The following KLHL3 variants were observed in gnomAD, a reference collection of about 807,000 sequenced individuals.
KLHL3 encodes the protein kelch like family member 3, also known as kelch-like protein 3.
Under a neutral mutation model 70.5 loss-of-function variants are expected in KLHL3, and 19 were observed. The ratio of observed to expected loss-of-function variants is 0.27; its 90% CI spans 0.19 to 0.40. The LOEUF (loss-of-function observed/expected upper bound fraction) is 0.40. Among genes scored for constraint, KLHL3 ranks in the 10% least tolerant of loss-of-function variants. The pLI, the probability that KLHL3 is intolerant of heterozygous loss-of-function variation, is 1.00. For synonymous variants in KLHL3, 258 were observed against 290.3 expected (o/e 0.89, Z 1.13); for missense variants, 512 against 771.1 (o/e 0.66, Z 3.98).
intron 3 of KLHL3, among the ~76,000 whole-genome samples, chr5:137,702,936 G>A (rs1263927401): frequency 6.6e-6 from 1 of 152,108 alleles, no homozygotes; most frequent in Non-Finnish European, 1.5e-5. Flanking sequence ...ACCTTTTTAG[G>A]TGGAAGACTG....
At chr5:137,669,151 A>T (rs1273817359) in intron 6 of KLHL3, among the ~76,000 whole-genome samples, 5 of 152,178 alleles carry the variant, frequency 3.3e-5, no homozygotes, top group African/African-American at 1.2e-4. Context: ...AATTAGTGAG[A>T]AGACAGCAAT....
rs1280723794 is a variant in KLHL3, at chr5:137,687,339, C to A, written c.526+4946G>T. ...GCTGCCCCGTCCGGGAGGTGAGGGG[C>A]GCCTCTGCCCAGCCGCCCCTACTGG... On this transcript the variant is annotated intron_variant, in intron 5 of 14. Coordinates refer to ENST00000309755, the MANE Select transcript of KLHL3 (RefSeq NM_017415.3). 3.9e-4 allele frequency among the ~76,000 whole-genome samples: 14 copies of A among 35,570 alleles called. 4 individuals carry two copies. The highest frequency in any genetic ancestry group is 2.2e-3 in the African/African-American group (14 of 6,474). 23.3% of individuals were successfully genotyped at this position (35,570 alleles called of 152,430 possible). A position where few individuals can be genotyped will look rare whatever the true frequency, so the allele number is the denominator to read the frequency against.
chr5:137,623,327 A>C (rs1277750033), intron 14 of KLHL3, among the ~76,000 whole-genome samples: 1 of 152,182 alleles, frequency 6.6e-6, no homozygotes, highest in Non-Finnish European at 1.5e-5. Context: ...AACATGGCTA[A>C]AATCAAGCCA....
intron 5 of KLHL3, among the ~76,000 whole-genome samples, chr5:137,679,850 C>G (rs1016052899): frequency 6.6e-5 from 10 of 152,224 alleles, no homozygotes; most frequent in African/African-American, 1.9e-4. Flanking sequence ...AGAGAAATAG[C>G]AGGCAGCAGC....
At chr5:137,699,470 T>C (rs1344385325) in intron 3 of KLHL3, among the ~76,000 whole-genome samples, 2 of 152,086 alleles carry the variant, frequency 1.3e-5, no homozygotes, top group Non-Finnish European at 2.9e-5. Flanking sequence ...CAGATGGGCA[T>C]TTTTGAACGA....
intron 2 of KLHL3, among the ~76,000 whole-genome samples, chr5:137,719,170 C>T (rs1246515578): frequency 6.6e-6 from 1 of 152,216 alleles, no homozygotes; most frequent in Non-Finnish European, 1.5e-5. Context: ...ATAATTATTG[C>T]GTACCTACCA....
intron 7 of KLHL3, among the ~76,000 whole-genome samples, chr5:137,659,274 G>A (rs1751416654): frequency 1.3e-5 from 2 of 152,220 alleles, no homozygotes; most frequent in African/African-American, 4.8e-5. Flanking sequence ...GTCAGAGAAT[G>A]AGAAGGGCCT....
chr5:137,633,185 CAGG>C (rs746731477), intron 12 of KLHL3, among the ~76,000 whole-genome samples: 2 of 141,388 alleles, frequency 1.4e-5, no homozygotes, highest in African/African-American at 2.6e-5. Context: ...GAGGCTGAGG[CAGG>C]AGAATGGCGG....
rs1328897611 is a variant in KLHL3, at chr5:137,692,563, C to T, written c.364-116G>A. The T allele has an allele frequency of 4.2e-6, 4 of 957,496 alleles. No individual in the cohort carries two copies. In the African/African-American group the frequency reaches 6.5e-5, roughly 15 times the overall value. 59.3% of individuals were successfully genotyped at this position (957,496 alleles called of 1,614,324 possible). On this transcript the variant is annotated intron_variant, in intron 4 of 14. Transcript: ENST00000309755. ...CTTTTCATGGCTCTCCACTGCCCGC[C>T]AGTAAGTCCAAACTTCCTAGCCTGC... is the stretch of plus-strand genomic sequence containing the variant.
At chr5:137,726,227 A>G (rs1753083207) in intron 1 of KLHL3, among the ~76,000 whole-genome samples, 2 of 152,188 alleles carry the variant, frequency 1.3e-5, no homozygotes, top group Admixed American at 1.3e-4. Flanking sequence ...GAGGGTCCAC[A>G]TAAAATTTCC....
At chr5:137,630,620 G>T (rs10036924) in intron 12 of KLHL3, among the ~76,000 whole-genome samples, 53,798 of 152,078 alleles carry the variant, frequency 0.35, 10,223 homozygotes, top group East Asian at 0.53. Context: ...AAACCAAAAT[G>T]TCTGAAAGAG....
chr5:137,626,658 T>G (rs1412275527), intron 13 of KLHL3, among the ~76,000 whole-genome samples: 1 of 152,164 alleles, frequency 6.6e-6, no homozygotes, highest in South Asian at 2.1e-4. Context: ...GACGAAAAAA[T>G]GGACACCCTC....
chr5:137,667,764 T>A (rs1751648119), intron 6 of KLHL3, among the ~76,000 whole-genome samples: 1 of 151,952 alleles, frequency 6.6e-6, no homozygotes, highest in Non-Finnish European at 1.5e-5. Context: ...CAGCAAAACA[T>A]AGGAAGAAGA....
At chr5:137,674,059 T>C (rs960059600) in intron 6 of KLHL3, among the ~76,000 whole-genome samples, 20 of 152,296 alleles carry the variant, frequency 1.3e-4, no homozygotes, top group African/African-American at 4.3e-4. Context: ...ACCATAATAA[T>C]AGCAGCAATA....
Position 137,709,743 on chromosome 5 carries a change from A to G in KLHL3, c.241+7T>C. On this transcript the variant is annotated splice_region_variant and intron_variant, in intron 3 of 14. Transcript: ENST00000309755. ...AACCATGGGTTAATGGTGGCCACTC[A>G]CCATACCTGTGAACATCGCACAGAA... is the stretch of plus-strand genomic sequence containing the variant. 6.2e-7 allele frequency: 1 copy of G among 1,610,136 alleles called. No individual in the cohort carries two copies. The highest frequency in any genetic ancestry group is 8.5e-7 in the Non-Finnish European group (1 of 1,176,600).
intron 8 of KLHL3, chr5:137,647,489 G>A: frequency 2.1e-6 from 1 of 469,208 alleles, no homozygotes; most frequent in Non-Finnish European, 4.4e-6. Context: ...AACAATCTGG[G>A]CTCTACACAC....
At chr5:137,712,022 G>T (rs528448911) in intron 2 of KLHL3, among the ~76,000 whole-genome samples, 2 of 151,456 alleles carry the variant, frequency 1.3e-5, no homozygotes, top group African/African-American at 4.9e-5. Flanking sequence ...GCCCGGTGTG[G>T]TGGCAGATGC....
intron 5 of KLHL3, among the ~76,000 whole-genome samples, chr5:137,689,285 G>T (rs556575886): frequency 7.9e-5 from 12 of 152,296 alleles, no homozygotes; most frequent in African/African-American, 2.9e-4. Flanking sequence ...ATTTCTCAAA[G>T]AACTAAAAAT....
chr5:137,706,081 C>T (rs768874325), intron 3 of KLHL3: 2 of 985,074 alleles, frequency 2.0e-6, no homozygotes, highest in Non-Finnish European at 2.4e-6. Context: ...TTATTGTCCA[C>T]AGGACAATGG....
Sources: allele counts gnomAD v4.1 joint callset (sites outside exome capture counted in the v4.1 genomes callset), GRCh38; gene constraint gnomAD v4.1.1; transcripts MANE v1.5; gene names NCBI Gene and HGNC (gene_info 2026-07-23, HGNC 2026-07-21).